COL23A1: variants seen among roughly 807,000 people sequenced by gnomAD.
The protein encoded by COL23A1 is collagen alpha-1(XXIII) chain.
Under a neutral mutation model 99.3 loss-of-function variants are expected in COL23A1, and 97 were observed. The observed-to-expected ratio is 0.98, with a 90% confidence interval of 0.83 to 1.16. The LOEUF (loss-of-function observed/expected upper bound fraction) is 1.16. Among genes scored for constraint, COL23A1 ranks in the 50% most tolerant of loss-of-function variants. COL23A1 has a pLI of 0.00. For synonymous variants in COL23A1, 320 were observed against 308.2 expected (o/e 1.04, Z -0.40); for missense variants, 762 against 757.4 (o/e 1.01, Z -0.07).
In COL23A1 at chr5:178,444,292, T is replaced by G. The variant is rs1767044360; in HGVS notation, c.361+116390A>C. Among the ~76,000 whole-genome samples, 7 of 152,358 alleles carry G rather than the reference T, an allele frequency of 4.6e-5. No individual in the cohort carries two copies. In the South Asian group the frequency reaches 1.4e-3, roughly 32 times the overall value. The stretch of plus-strand genomic sequence containing the variant: ...TCTAGGTAGTTCTGTTTTATTAATC[T>G]TGCCAAATATTCAGTGAGGCCTTTT... On this transcript the variant is annotated intron_variant, in intron 2 of 28. Coordinates refer to ENST00000390654, the MANE Select transcript of COL23A1 (RefSeq NM_173465.4).
At chr5:178,532,543 C>T (rs746088572) in intron 2 of COL23A1, among the ~76,000 whole-genome samples, 11 of 152,068 alleles carry the variant, frequency 7.2e-5, no homozygotes, top group South Asian at 2.1e-4. Flanking sequence ...CCCATACAGG[C>T]GAGGGGCTAT....
intron 2 of COL23A1, among the ~76,000 whole-genome samples, chr5:178,317,701 T>C (rs1759052125): frequency 6.6e-6 from 1 of 152,196 alleles, no homozygotes; most frequent in Admixed American, 6.5e-5. Context: ...AGGTTATGCC[T>C]TGCCAATGGG....
chr5:178,453,047 A>G (rs1432810098), intron 2 of COL23A1, among the ~76,000 whole-genome samples: 1 of 152,234 alleles, frequency 6.6e-6, no homozygotes, highest in African/African-American at 2.4e-5. Flanking sequence ...ACCAGGGCAC[A>G]TCCATGCCAA....
intron 2 of COL23A1, among the ~76,000 whole-genome samples, chr5:178,381,148 A>G (rs1182380875): frequency 1.3e-5 from 2 of 152,224 alleles, no homozygotes; most frequent in African/African-American, 4.8e-5. Context: ...CCCCTCACTC[A>G]TCCACTCCAC....
At chr5:178,263,359 G>A (rs1489272576) in intron 8 of COL23A1, 35 bp from the exon 9 acceptor site, 17 of 1,350,704 alleles carry the variant, frequency 1.3e-5, no homozygotes, top group Non-Finnish European at 1.7e-5. Context: ...ACTCTGAGGG[G>A]GAGGGGGTCC....
intron 5 of COL23A1, among the ~76,000 whole-genome samples, chr5:178,285,998 A>T (rs1185331616): frequency 6.6e-6 from 1 of 152,158 alleles, no homozygotes; most frequent in Non-Finnish European, 1.5e-5. Context: ...TGTGAGAACG[A>T]GGGGTCTGGA....
At chr5:178,265,685 G>A in intron 8 of COL23A1, 1 of 985,900 alleles carries the variant, frequency 1.0e-6, no homozygotes. Flanking sequence ...ACAGGTGATG[G>A]TCTCTACTTA....
intron 16 of COL23A1, 85 bp from the exon 17 acceptor site, chr5:178,252,682 A>C (rs1346014915): frequency 1.7e-6 from 2 of 1,160,414 alleles, no homozygotes; most frequent in Non-Finnish European, 2.5e-6. Flanking sequence ...CCTGGAATCA[A>C]GTCCCCGTCC....
At chr5:178,245,234 T>G (rs113386083) in intron 25 of COL23A1, among the ~76,000 whole-genome samples, 1 of 124,492 alleles carries the variant, frequency 8.0e-6, no homozygotes, top group Non-Finnish European at 1.7e-5. Flanking sequence ...CATCCATCCA[T>G]CCACCCACCC....
At chr5:178,503,479 A>G (rs1314802930) in intron 2 of COL23A1, among the ~76,000 whole-genome samples, 1 of 152,240 alleles carries the variant, frequency 6.6e-6, no homozygotes, top group Non-Finnish European at 1.5e-5. Context: ...AAACGGCATA[A>G]TTAGGTCAAT....
chr5:178,242,031 C>A lies in COL23A1; in HGVS notation c.1581+11G>T. ...AAAAGACCTGGGGCAGGGCCCTCCTCCGACACCTACCACGGGACACGGCTG... is the reference window on the plus strand; with the variant it reads ...AAAAGACCTGGGGCAGGGCCCTCCTACGACACCTACCACGGGACACGGCTG... On this transcript the variant is annotated intron_variant, in intron 27 of 28. Transcript: ENST00000390654. 1.3e-6 allele frequency: 2 copies of A among 1,551,284 alleles called. No homozygotes were observed. The highest frequency in any genetic ancestry group is 8.7e-7 in the Non-Finnish European group (1 of 1,146,318).
At chr5:178,477,601 A>C (rs1317961260) in intron 2 of COL23A1, among the ~76,000 whole-genome samples, 1 of 152,220 alleles carries the variant, frequency 6.6e-6, no homozygotes, top group South Asian at 2.1e-4. Context: ...ATCACTGTGC[A>C]TGTTGCCTAA....
intron 2 of COL23A1, among the ~76,000 whole-genome samples, chr5:178,549,515 C>G (rs1761892046): frequency 6.6e-6 from 1 of 152,010 alleles, no homozygotes; most frequent in African/African-American, 2.4e-5. Flanking sequence ...TTGGCTCTGT[C>G]TAAAACATTT....
Position 178,305,590 on chromosome 5 carries a change from G to A in COL23A1, c.406+1285C>T, listed in dbSNP as rs150875645. ...GGACAAAACCATTAGAGGTTTTTTT[G>A]GAGGAGATGCTTGAGCTAGGCTTGA... On this transcript the variant is annotated intron_variant, in intron 3 of 28. Coordinates refer to ENST00000390654, the MANE Select transcript of COL23A1 (RefSeq NM_173465.4). Among the ~76,000 whole-genome samples, 153 of 152,310 alleles carry A rather than the reference G, an allele frequency of 1.0e-3. 2 individuals are homozygous for A. In the South Asian group the frequency reaches 0.022, roughly 22 times the overall value.
chr5:178,277,566 A>G (rs1462631782), intron 5 of COL23A1, among the ~76,000 whole-genome samples: 1 of 152,224 alleles, frequency 6.6e-6, no homozygotes, highest in East Asian at 1.9e-4. Context: ...CCAGCTCTGC[A>G]GGGCATCTGA....
intron 2 of COL23A1, among the ~76,000 whole-genome samples, chr5:178,535,277 A>G (rs1022217847): frequency 6.6e-6 from 1 of 152,200 alleles, no homozygotes; most frequent in Non-Finnish European, 1.5e-5. Flanking sequence ...CCCAGCCCAC[A>G]GCTTCCTTCT....
intron 2 of COL23A1, among the ~76,000 whole-genome samples, chr5:178,440,405 G>A (rs144068991): frequency 3.5e-4 from 53 of 152,244 alleles, no homozygotes; most frequent in African/African-American, 1.3e-3. Flanking sequence ...CTGGGCAAAT[G>A]CCGCTTCCTC....
rs190629610 is a variant in COL23A1 at position 178,252,095 on chromosome 5, A to G, written c.1014+449T>C. On this transcript the variant is annotated intron_variant, in intron 17 of 28. Transcript: ENST00000390654. ...CGCCCGGCTAATTTTTTGTATTTTT[A>G]GTAGAGACAGAGTTTCACCATGTTG... Among the ~76,000 whole-genome samples, 1,393 of 151,494 alleles carry G rather than the reference A, an allele frequency of 9.2e-3. 15 individuals are homozygous for G. The highest frequency in any genetic ancestry group is 0.032 in the African/African-American group (1,320 of 41,270).
intron 2 of COL23A1, among the ~76,000 whole-genome samples, chr5:178,533,704 GGA>G (rs751239112): frequency 1.3e-5 from 2 of 152,110 alleles, no homozygotes; most frequent in Non-Finnish European, 2.9e-5. Context: ...TCACCATATT[GGA>G]CAAGCTGGTC....
Sources: allele counts gnomAD v4.1 joint callset (sites outside exome capture counted in the v4.1 genomes callset), GRCh38; gene constraint gnomAD v4.1.1; transcripts MANE v1.5; gene names NCBI Gene and HGNC (gene_info 2026-07-23, HGNC 2026-07-21).